SMYD3: variants seen among roughly 807,000 people sequenced by gnomAD.
SMYD3 encodes SET and MYND domain containing 3, also known as histone-lysine N-methyltransferase SMYD3.
Under a neutral mutation model 57.7 loss-of-function variants are expected in SMYD3, and 36 were observed. The observed-to-expected ratio is 0.62, with a 90% CI of 0.48 to 0.82. The LOEUF (loss-of-function observed/expected upper bound fraction) is 0.82. SMYD3 is among the 40% of genes least tolerant of loss of function. The probability of loss-of-function intolerance (pLI) is 0.00; values close to 1 mark genes in which losing one functional copy is unlikely to be tolerated. For synonymous variants in SMYD3, 211 were observed against 195.0 expected (o/e 1.08, Z -0.68); for missense variants, 515 against 538.8 (o/e 0.96, Z 0.44).
At chr1:246,474,519 C>CAA (rs35626265) in intron 1 of SMYD3, among the ~76,000 whole-genome samples, 10 of 78,782 alleles carry the variant, frequency 1.3e-4, no homozygotes, top group South Asian at 4.2e-4. Context: ...ACTCCCCTCT[C>CAA]AAAAAAAAAA....
intron 2 of SMYD3, among the ~76,000 whole-genome samples, chr1:246,348,173 T>C (rs1248589919): frequency 1.3e-5 from 2 of 151,168 alleles, no homozygotes; most frequent in Non-Finnish European, 2.9e-5. Flanking sequence ...CCCAGCACTT[T>C]GGGAGGCCAA....
At chr1:245,780,553 G>T (rs1002990457) in intron 10 of SMYD3, among the ~76,000 whole-genome samples, 1 of 138,634 alleles carries the variant, frequency 7.2e-6, no homozygotes, top group African/African-American at 3.1e-5. Context: ...GGAGATGACT[G>T]CTAACAAGCA....
intron 1 of SMYD3, among the ~76,000 whole-genome samples, chr1:246,449,039 G>T (rs2103027301): frequency 6.6e-6 from 1 of 152,182 alleles, no homozygotes; most frequent in South Asian, 2.1e-4. Flanking sequence ...ATGAGCCTGG[G>T]AAACATAGTG....
intron 5 of SMYD3, among the ~76,000 whole-genome samples, chr1:246,266,922 T>C (rs55942342): frequency 0.046 from 7,047 of 152,182 alleles, 270 homozygotes; most frequent in East Asian, 0.18. Context: ...GCGAAAATAA[T>C]ATTTTTTTCC....
chr1:246,082,051 C>T (rs919631268), intron 5 of SMYD3, among the ~76,000 whole-genome samples: 7 of 152,212 alleles, frequency 4.6e-5, no homozygotes, highest in Admixed American at 2.0e-4. Context: ...TCTAGTCTCA[C>T]AGGCTGGCTG....
At chr1:246,306,804 T>A (rs138260479) in intron 5 of SMYD3, among the ~76,000 whole-genome samples, 1 of 152,222 alleles carries the variant, frequency 6.6e-6, no homozygotes, top group Non-Finnish European at 1.5e-5. Flanking sequence ...CTAAATGACT[T>A]GGCAAAGCCA....
intron 10 of SMYD3, among the ~76,000 whole-genome samples, chr1:245,818,033 G>A (rs1281801930): frequency 1.3e-5 from 2 of 151,996 alleles, no homozygotes; most frequent in Non-Finnish European, 2.9e-5. Flanking sequence ...TTCAGATTCA[G>A]GAAATACAGA....
intron 5 of SMYD3, among the ~76,000 whole-genome samples, chr1:246,142,756 A>AT (rs2061778105): frequency 1.3e-5 from 2 of 152,210 alleles, no homozygotes; most frequent in African/African-American, 4.8e-5. Flanking sequence ...GAAACCTCAG[A>AT]TAAGGGGGGC....
intron 9 of SMYD3, among the ~76,000 whole-genome samples, chr1:245,862,913 C>T (rs78423346): frequency 1.4e-4 from 22 of 152,148 alleles, no homozygotes; most frequent in African/African-American, 5.3e-4. Flanking sequence ...TGCTAATAAA[C>T]TCAGTGGGCT....
intron 10 of SMYD3, among the ~76,000 whole-genome samples, chr1:245,832,043 G>A (rs913746632): frequency 3.5e-4 from 53 of 152,096 alleles, no homozygotes; most frequent in African/African-American, 1.0e-3. Context: ...CTACCTCCAC[G>A]CTTTTTGGGC....
At chr1:246,177,657 C>T (rs2062456903) in intron 5 of SMYD3, among the ~76,000 whole-genome samples, 1 of 152,162 alleles carries the variant, frequency 6.6e-6, no homozygotes, top group Admixed American at 6.6e-5. Flanking sequence ...CTGTGACCTG[C>T]TTTCTAAGTA....
At chr1:246,158,522 T>C (rs1324575951) in intron 5 of SMYD3, among the ~76,000 whole-genome samples, 1 of 152,256 alleles carries the variant, frequency 6.6e-6, no homozygotes, top group East Asian at 1.9e-4. Context: ...CTTTGTTTTT[T>C]TGAGAACTAC....
rs2788021 is a variant in SMYD3 at position 246,085,402 on chromosome 1, A to C, written c.532-155465T>G. On this transcript the variant is annotated intron_variant, in intron 5 of 11. Coordinates refer to ENST00000490107, the MANE Select transcript of SMYD3 (RefSeq NM_001167740.2). ...TATTTTAAGCTGAAGGATTTGAGAA[A>C]ACAGACCTTCCCCCTCCCCTTCTCC... is the stretch of plus-strand genomic sequence containing the variant. Among the ~76,000 whole-genome samples the C allele has an allele frequency of 1.1e-3, 171 of 151,932 alleles. 2 individuals are homozygous for C. The highest frequency in any genetic ancestry group is 4.0e-3 in the African/African-American group (167 of 41,412).
intron 5 of SMYD3, among the ~76,000 whole-genome samples, chr1:246,189,677 C>T (rs1366512342): frequency 6.6e-6 from 1 of 152,078 alleles, no homozygotes; most frequent in Admixed American, 6.5e-5. Context: ...TGCCTTTTTT[C>T]TGAAAGCTAT....
chr1:246,047,252 T>G (rs1381300073), intron 5 of SMYD3, among the ~76,000 whole-genome samples: 3 of 152,098 alleles, frequency 2.0e-5, no homozygotes, highest in African/African-American at 7.2e-5. Flanking sequence ...CCAAACTTAC[T>G]ACAAACCATG....
At chr1:245,823,711 A>G (rs2049308470) in intron 10 of SMYD3, among the ~76,000 whole-genome samples, 1 of 152,244 alleles carries the variant, frequency 6.6e-6, no homozygotes, top group Non-Finnish European at 1.5e-5. Context: ...CTTTAAGTAG[A>G]GATTTCTGCT....
intron 5 of SMYD3, among the ~76,000 whole-genome samples, chr1:246,301,905 G>A (rs2064897270): frequency 6.6e-6 from 1 of 152,140 alleles, no homozygotes. Context: ...AAGCAAGGAA[G>A]CTGCACTATT....
intron 5 of SMYD3, among the ~76,000 whole-genome samples, chr1:245,971,622 A>G (rs901651880): frequency 6.6e-5 from 10 of 152,146 alleles, no homozygotes; most frequent in African/African-American, 2.4e-4. Context: ...CATCCCCACT[A>G]ACGGGGATGT....
chr1:246,027,245 G>T (rs987158889), intron 5 of SMYD3, among the ~76,000 whole-genome samples: 1 of 152,192 alleles, frequency 6.6e-6, no homozygotes, highest in African/African-American at 2.4e-5. Context: ...GCAAGGTGAC[G>T]TTGCAGCAAG....
Sources: allele counts gnomAD v4.1 joint callset (sites outside exome capture counted in the v4.1 genomes callset), GRCh38; gene constraint gnomAD v4.1.1; transcripts MANE v1.5; gene names NCBI Gene and HGNC (gene_info 2026-07-23, HGNC 2026-07-21).